Variants in KLHL18 observed in about 807,000 individuals in gnomAD.
The protein encoded by KLHL18 is kelch-like protein 18.
KLHL18 carries 38 observed loss-of-function variants against 58.5 expected under a neutral mutation model. The observed-to-expected ratio is 0.65, with a 90% CI of 0.50 to 0.85. The LOEUF (loss-of-function observed/expected upper bound fraction) is 0.85, where lower values mean the gene tolerates loss of function less well. KLHL18 is among the 40% of genes least tolerant of loss of function. The pLI, the probability that KLHL18 is intolerant of heterozygous loss-of-function variation, is 0.00. For synonymous variants in KLHL18, 303 were observed against 301.9 expected (o/e 1.00, Z -0.04); for missense variants, 624 against 778.4 (o/e 0.80, Z 2.36).
intron 3 of KLHL18, among the ~76,000 whole-genome samples, chr3:47,329,678 T>C (rs1258775665): frequency 6.6e-6 from 1 of 152,218 alleles, no homozygotes; most frequent in East Asian, 1.9e-4. Context: ...TGGTTACTTC[T>C]CACCTTCTGA....
intron 1 of KLHL18, chr3:47,283,468 G>C: frequency 3.7e-6 from 1 of 271,190 alleles, no homozygotes; most frequent in South Asian, 5.5e-5. Context: ...ACCTTCTCTT[G>C]TCACTACAGA....
intron 1 of KLHL18, among the ~76,000 whole-genome samples, chr3:47,310,175 C>T (rs1382751400): frequency 1.3e-5 from 2 of 152,182 alleles, no homozygotes; most frequent in African/African-American, 4.8e-5. Context: ...TGCCAGGCTG[C>T]TTTACTGTTT....
At chr3:47,327,998 C>T (rs148331193) in intron 3 of KLHL18, among the ~76,000 whole-genome samples, 2 of 152,264 alleles carry the variant, frequency 1.3e-5, no homozygotes, top group African/African-American at 4.8e-5. Flanking sequence ...AAGAATCCCC[C>T]AGGGTCTGCT....
chr3:47,335,213 G>A (rs1230321800), intron 6 of KLHL18, among the ~76,000 whole-genome samples: 1 of 152,280 alleles, frequency 6.6e-6, no homozygotes, highest in East Asian at 1.9e-4. Flanking sequence ...CCCCGGATAG[G>A]ATACAGTCAG....
At chr3:47,303,632 A>G (rs1703073492) in intron 1 of KLHL18, among the ~76,000 whole-genome samples, 1 of 152,214 alleles carries the variant, frequency 6.6e-6, no homozygotes, top group African/African-American at 2.4e-5. Flanking sequence ...TCTGTCACCT[A>G]GGCTGGCTTC....
intron 1 of KLHL18, among the ~76,000 whole-genome samples, chr3:47,300,918 C>T (rs898211172): frequency 4.6e-5 from 7 of 152,090 alleles, no homozygotes; most frequent in African/African-American, 1.7e-4. Context: ...GGATTACAGT[C>T]ATTGAGTCAC....
chr3:47,293,773 C>T (rs773241196), intron 1 of KLHL18, among the ~76,000 whole-genome samples: 4 of 152,324 alleles, frequency 2.6e-5, no homozygotes, highest in Middle Eastern at 3.4e-3. Context: ...TGTGGGTCCT[C>T]ATACTCATTA....
chr3:47,298,890 G>A (rs1702953769), intron 1 of KLHL18, among the ~76,000 whole-genome samples: 1 of 152,116 alleles, frequency 6.6e-6, no homozygotes, highest in Admixed American at 6.5e-5. Context: ...ATATTTCTCA[G>A]TAGTAGTCCA....
chr3:47,295,397 T>C (rs530621498), intron 1 of KLHL18, among the ~76,000 whole-genome samples: 1 of 152,338 alleles, frequency 6.6e-6, no homozygotes, highest in South Asian at 2.1e-4. Context: ...CATCTCTCCA[T>C]GACTGTGTTC....
At chr3:47,299,479 G>T (rs2107592194) in intron 1 of KLHL18, among the ~76,000 whole-genome samples, 1 of 152,062 alleles carries the variant, frequency 6.6e-6, no homozygotes, top group Non-Finnish European at 1.5e-5. Flanking sequence ...TCAGTGTAAG[G>T]CCTTAAAGAG....
At chr3:47,327,262 A>T (rs1178400068) in intron 3 of KLHL18, among the ~76,000 whole-genome samples, 4 of 152,208 alleles carry the variant, frequency 2.6e-5, no homozygotes, top group Admixed American at 6.5e-5. Flanking sequence ...GGGAAAAAAA[A>T]AGGTGTGTTT....
At chr3:47,286,183 A>G (rs1383391655) in intron 1 of KLHL18, among the ~76,000 whole-genome samples, 1 of 152,194 alleles carries the variant, frequency 6.6e-6, no homozygotes, top group Non-Finnish European at 1.5e-5. Context: ...GGGAAGGACT[A>G]GTATAAACGC....
intron 1 of KLHL18, among the ~76,000 whole-genome samples, chr3:47,316,675 ATG>A (rs1380568447): frequency 2.4e-4 from 21 of 89,078 alleles, no homozygotes; most frequent in Non-Finnish European, 4.0e-4. Context: ...ATACGTATAT[ATG>A]TATATGTGTG....
At chr3:47,319,619 C>A in intron 1 of KLHL18, 34 bp from the exon 2 acceptor site, 1 of 1,606,156 alleles carries the variant, frequency 6.2e-7, no homozygotes, top group South Asian at 1.1e-5. Context: ...TTGCATTCCT[C>A]AATATCTGTC....
intron 1 of KLHL18, among the ~76,000 whole-genome samples, chr3:47,309,596 T>G (rs1391092874): frequency 2.7e-5 from 4 of 150,028 alleles, no homozygotes; most frequent in Non-Finnish European, 4.4e-5. Context: ...CCCAGACGGG[T>G]TGGCGGCCGG....
Position 47,334,729 on chromosome 3 carries a change from C to T in KLHL18, c.808C>T (p.Arg270Trp), listed in dbSNP as rs772372654. The T allele has an allele frequency of 8.7e-6, 14 of 1,614,028 alleles. 1 individual carries two copies. The highest frequency in any genetic ancestry group is 3.3e-4 in the Middle Eastern group (2 of 6,084). Residue 270 changes from arginine (R) to tryptophan (W), a missense_variant, in exon 6 of 10, where the codon CGG becomes TGG. By Grantham distance (101) the Arg-to-Trp change is moderately radical. Coordinates refer to ENST00000232766, the MANE Select transcript of KLHL18 (RefSeq NM_025010.5). The surrounding 1 kb of genome is among the most constrained non-coding windows in gnomAD (Gnocchi z 4.7). Reference sequence around the variant, plus strand: ...GGACTACCACCTCATGCCAGAGCGCCGGCCCCACCTGCCAGCTTTCAGAAC... The same window carrying T: ...GGACTACCACCTCATGCCAGAGCGCTGGCCCCACCTGCCAGCTTTCAGAAC... Reference protein sequence around the residue: ...AKDYHLMPERRPHLPAFRTRP... With the variant: ...AKDYHLMPERWPHLPAFRTRP...
At chr3:47,316,759 G>GTATA (rs1559495957) in intron 1 of KLHL18, among the ~76,000 whole-genome samples, 1 of 64,888 alleles carries the variant, frequency 1.5e-5, no homozygotes, top group South Asian at 5.5e-4. Context: ...ATATGTATAT[G>GTATA]TGTGTGTATA....
chr3:47,321,356 T>TTTTG (rs1559497761), intron 2 of KLHL18, among the ~76,000 whole-genome samples: 9 of 132,858 alleles, frequency 6.8e-5, no homozygotes, highest in East Asian at 2.2e-4. Flanking sequence ...GTTTTGTTTT[T>TTTTG]TTTTTTTTGA....
At chr3:47,291,981 A>C (rs1175957342) in intron 1 of KLHL18, among the ~76,000 whole-genome samples, 1 of 152,196 alleles carries the variant, frequency 6.6e-6, no homozygotes, top group African/African-American at 2.4e-5. Flanking sequence ...ATTCTGTCTC[A>C]GTTGAAGCTG....
Sources: allele counts gnomAD v4.1 joint callset (sites outside exome capture counted in the v4.1 genomes callset), GRCh38; gene constraint gnomAD v4.1.1; non-coding constraint Gnocchi (gnomAD v3.1); transcripts MANE v1.5; gene names NCBI Gene and HGNC (gene_info 2026-07-23, HGNC 2026-07-21).